Variants in IL7 observed in about 807,000 individuals in gnomAD.
The protein encoded by IL7 is interleukin 7.
IL7 carries 3 observed loss-of-function variants against 21.6 expected under a neutral mutation model. The ratio of observed to expected loss-of-function variants is 0.14; its 90% CI spans 0.06 to 0.36. IL7 has a LOEUF of 0.36. IL7 is among the 10% of genes least tolerant of loss of function. The pLI is 1.00. For synonymous variants in IL7, 62 were observed against 68.1 expected, an observed-to-expected ratio of 0.91 and a Z score of 0.44; for missense variants, 175 against 200.2, an observed-to-expected ratio of 0.87 and a Z score of 0.76.
At chr8:78,767,525 A>G (rs1586085729) in intron 2 of IL7, among the ~76,000 whole-genome samples, 1 of 152,058 alleles carries the variant, frequency 6.6e-6, no homozygotes, top group Non-Finnish European at 1.5e-5. Flanking sequence ...ATTAGTATAC[A>G]TATCCACTAA....
chr8:78,783,862 T>C (rs1563434624), intron 2 of IL7, among the ~76,000 whole-genome samples: 4 of 152,120 alleles, frequency 2.6e-5, no homozygotes, highest in African/African-American at 9.7e-5. Flanking sequence ...AGCAGCCAAG[T>C]ATGATAAACC....
intron 2 of IL7, among the ~76,000 whole-genome samples, chr8:78,797,634 T>A (rs1459856449): frequency 6.6e-6 from 1 of 151,970 alleles, no homozygotes; most frequent in African/African-American, 2.4e-5. Context: ...CACATAGATA[T>A]AAAATACACA....
chr8:78,793,613 G>A (rs1330030455), intron 2 of IL7, among the ~76,000 whole-genome samples: 3 of 152,256 alleles, frequency 2.0e-5, no homozygotes, highest in South Asian at 2.1e-4. Flanking sequence ...TTGCTTCAAC[G>A]TTAGTGGATG....
chr8:78,695,979 T>A (rs1430297571), intron 3 of IL7, among the ~76,000 whole-genome samples: 1 of 152,200 alleles, frequency 6.6e-6, no homozygotes, highest in Non-Finnish European at 1.5e-5. Context: ...AATTTTATAT[T>A]GATTATTGGT....
chr8:78,767,141 AT>A (rs1177020148), intron 2 of IL7, among the ~76,000 whole-genome samples: 2 of 152,024 alleles, frequency 1.3e-5, no homozygotes, highest in Admixed American at 6.6e-5. Flanking sequence ...TCAGTTGATA[AT>A]TTTATATAAG....
chr8:78,731,218 A>G (rs900832477), downstream of IL7, among the ~76,000 whole-genome samples: 1 of 152,016 alleles, frequency 6.6e-6, no homozygotes, highest in Admixed American at 6.6e-5. Flanking sequence ...TATTCCTGAA[A>G]AGAGTATTTC....
chr8:78,763,089 T>C (rs1441565054), intron 2 of IL7, among the ~76,000 whole-genome samples: 1 of 152,160 alleles, frequency 6.6e-6, no homozygotes, highest in African/African-American at 2.4e-5. Context: ...TAGTGAAAAT[T>C]ATGGTGAGGT....
chr8:78,795,758 G>A (rs1362148375), intron 2 of IL7, among the ~76,000 whole-genome samples: 1 of 152,056 alleles, frequency 6.6e-6, no homozygotes, highest in Non-Finnish European at 1.5e-5. Context: ...CAAATGCAAT[G>A]TCCAAATTAG....
chr8:78,727,190 A>G (rs1811353871), intron 3 of IL7, among the ~76,000 whole-genome samples: 2 of 151,994 alleles, frequency 1.3e-5, no homozygotes. Flanking sequence ...CAACTTAATT[A>G]AACCTTGCAA....
intron 2 of IL7, among the ~76,000 whole-genome samples, chr8:78,743,584 A>C (rs912650462): frequency 6.6e-6 from 1 of 151,914 alleles, no homozygotes; most frequent in Non-Finnish European, 1.5e-5. Flanking sequence ...TTGTGATTGC[A>C]TTACGAAATT....
At chr8:78,802,786 T>C (rs1292509799) in intron 1 of IL7, among the ~76,000 whole-genome samples, 1 of 152,176 alleles carries the variant, frequency 6.6e-6, no homozygotes. Flanking sequence ...GACTGTCACA[T>C]TGAAGAGTCT....
At chr8:78,683,211 A>T (rs1171796776) in intron 4 of IL7, among the ~76,000 whole-genome samples, 1 of 152,172 alleles carries the variant, frequency 6.6e-6, no homozygotes, top group African/African-American at 2.4e-5. Context: ...TCACAGCTCC[A>T]CTAGGCATGC....
chr8:78,742,132 T>G (rs1811805156), intron 2 of IL7, among the ~76,000 whole-genome samples: 1 of 145,938 alleles, frequency 6.9e-6, no homozygotes, highest in Admixed American at 7.0e-5. Flanking sequence ...GCCAACATGG[T>G]GAAACCCCAT....
downstream of IL7, among the ~76,000 whole-genome samples, chr8:78,732,511 G>A (rs1279071759): frequency 1.3e-5 from 2 of 152,124 alleles, no homozygotes; most frequent in African/African-American, 4.8e-5. Flanking sequence ...AATGCAAACT[G>A]ACAGCTATTT....
At chr8:78,773,809 T>A (rs1456361766) in intron 2 of IL7, among the ~76,000 whole-genome samples, 1 of 152,010 alleles carries the variant, frequency 6.6e-6, no homozygotes, top group African/African-American at 2.4e-5. Context: ...GAGAAGCCAA[T>A]TAGGTAGAGG....
intron 4 of IL7, among the ~76,000 whole-genome samples, chr8:78,677,948 T>A (rs147144546): frequency 1.2e-3 from 179 of 152,306 alleles, no homozygotes; most frequent in African/African-American, 4.1e-3. Flanking sequence ...GGATTATTCA[T>A]GCTTCCTCTT....
At chr8:78,773,182 C>T (rs546441531) in intron 2 of IL7, among the ~76,000 whole-genome samples, 4 of 152,174 alleles carry the variant, frequency 2.6e-5, no homozygotes, top group African/African-American at 7.2e-5. Flanking sequence ...CCCTCGATCA[C>T]AGGGTGCATT....
At chr8:78,739,946 A>G in intron 3 of IL7, 56 bp downstream of exon 3, 3 of 1,444,018 alleles carry the variant, frequency 2.1e-6, no homozygotes, top group Middle Eastern at 1.8e-4. Context: ...GGCACAAAAA[A>G]TAGAAGCTTC....
chr8:78,716,107 T>G (rs1186408400), downstream of IL7, among the ~76,000 whole-genome samples: 1 of 150,920 alleles, frequency 6.6e-6, no homozygotes, highest in Non-Finnish European at 1.5e-5. Context: ...TTATTACTGT[T>G]TTTTTTTGTT....
Sources: gnomAD v4.1 joint callset for allele counts (sites outside exome capture counted in the v4.1 genomes callset) on GRCh38, gnomAD v4.1.1 for gene constraint, MANE v1.5 for transcripts, NCBI Gene and HGNC (gene_info 2026-07-23, HGNC 2026-07-21) for gene names.